Variants in ACCSL observed in about 807,000 individuals in gnomAD.
ACCSL encodes probable inactive 1-aminocyclopropane-1-carboxylate synthase-like protein 2.
ACCSL carries 55 observed loss-of-function variants against 61.7 expected under a neutral mutation model. That is an observed-to-expected ratio of 0.89 (90% CI 0.72 to 1.12). The LOEUF is 1.12. ACCSL is among the 50% of genes most tolerant of loss of function. ACCSL has a pLI of 0.00. For synonymous variants in ACCSL, 258 were observed against 264.3 expected (o/e 0.98, Z 0.23); for missense variants, 632 against 698.0 (o/e 0.91, Z 1.07).
intron 11 of ACCSL, among the ~76,000 whole-genome samples, chr11:44,056,972 T>C (rs374639214): frequency 2.1e-4 from 32 of 152,358 alleles, no homozygotes; most frequent in Admixed American, 7.8e-4. Flanking sequence ...TATGTGAATA[T>C]AGATTTTCCC....
the ACCSL span, among the ~76,000 whole-genome samples, chr11:43,991,999 C>T: frequency 6.6e-6 from 1 of 151,938 alleles, no homozygotes; most frequent in East Asian, 1.9e-4. Flanking sequence ...CCCCTCCCTC[C>T]CCATCTTTTT....
Position 44,052,673 on chromosome 11 carries a change from G to C in ACCSL, c.784G>C (p.Val262Leu), listed in dbSNP as rs765330940. The C allele has an allele frequency of 2.2e-5, 36 of 1,614,094 alleles. No homozygotes were observed. The highest frequency in any genetic ancestry group is 3.1e-5 in the Non-Finnish European group (36 of 1,179,998). The change falls in exon 6 of 14, where the codon GTC (valine) becomes CTC (leucine). Residue 262 changes from valine to leucine, a missense_variant. By Grantham distance (32) the Val-to-Leu change is conservative (BLOSUM62 1). Coordinates refer to ENST00000378832, the MANE Select transcript of ACCSL (RefSeq NM_001031854.2). ...VLCDPGEAFLVPAPFYGGFAF... is the reference protein window; with the variant it reads ...VLCDPGEAFLLPAPFYGGFAF... The stretch of plus-strand genomic sequence containing the variant: ...CTCTGTGTTTCCAGAGGCCTTCCTG[G>C]TCCCTGCTCCCTTCTATGGTGGCTT...
chr11:44,059,710 G>A (rs1319466900), intron 13 of ACCSL, 128 bp from the exon 14 acceptor site: 2 of 651,726 alleles, frequency 3.1e-6, no homozygotes, highest in Non-Finnish European at 5.3e-6. Flanking sequence ...TCCCAAAGGT[G>A]GGAGGGCTGA....
the ACCSL span, among the ~76,000 whole-genome samples, chr11:43,952,650 C>T: frequency 6.6e-6 from 1 of 152,140 alleles, no homozygotes; most frequent in Non-Finnish European, 1.5e-5. Flanking sequence ...TCACGCGGAC[C>T]CTCTTAGAGT....
At chr11:43,995,137 A>C in the ACCSL span, 23 of 152,348 alleles carry the variant, frequency 1.5e-4, no homozygotes, top group African/African-American at 5.3e-4. Flanking sequence ...CTAAGAGCCT[A>C]CTGCATGCTG....
the ACCSL span, among the ~76,000 whole-genome samples, chr11:44,027,239 C>A: frequency 6.6e-6 from 1 of 152,296 alleles, no homozygotes. Flanking sequence ...GCCTTTACTT[C>A]CTTGGGCAGA....
the ACCSL span, among the ~76,000 whole-genome samples, chr11:44,037,470 ACTC>A: frequency 6.6e-6 from 1 of 151,914 alleles, no homozygotes; most frequent in Non-Finnish European, 1.5e-5. Context: ...CCTCTTCTAT[ACTC>A]CTCTCACCCG....
intron 11 of ACCSL, 126 bp from the exon 12 acceptor site, chr11:44,058,191 C>A: frequency 8.2e-7 from 1 of 1,214,580 alleles, no homozygotes; most frequent in Non-Finnish European, 1.1e-6. Flanking sequence ...TTTTTAAAAA[C>A]AGACAAACAA....
At chr11:44,039,134 CAG>C in the ACCSL span, among the ~76,000 whole-genome samples, 2 of 152,038 alleles carry the variant, frequency 1.3e-5, no homozygotes, top group South Asian at 2.1e-4. Context: ...AAACAAATGA[CAG>C]AGGAGATGGG....
At chr11:44,030,549 A>C in the ACCSL span, among the ~76,000 whole-genome samples, 21 of 146,470 alleles carry the variant, frequency 1.4e-4, 1 homozygote, top group African/African-American at 4.8e-4. Context: ...CCTCATGGGG[A>C]AAGAATCCAG....
chr11:44,005,150 T>A, the ACCSL span, among the ~76,000 whole-genome samples: 1 of 141,138 alleles, frequency 7.1e-6, no homozygotes, highest in Non-Finnish European at 1.5e-5. Flanking sequence ...TGTAGAGGGG[T>A]GAGGGGAACT....
chr11:43,952,498 A>G, the ACCSL span, among the ~76,000 whole-genome samples: 18 of 152,308 alleles, frequency 1.2e-4, no homozygotes, highest in Admixed American at 2.6e-4. Flanking sequence ...CCCTGACCTA[A>G]CCAGTTATGT....
chr11:44,017,942 A>G, the ACCSL span, among the ~76,000 whole-genome samples: 79 of 152,150 alleles, frequency 5.2e-4, no homozygotes, highest in Non-Finnish European at 1.9e-4. Context: ...GCCATTGCCA[A>G]GCAGTAATGA....
At chr11:44,054,447 C>CTTTTTTTTTTTTTTTTTTTTT (rs67313576) in intron 8 of ACCSL, among the ~76,000 whole-genome samples, 4 of 138,420 alleles carry the variant, frequency 2.9e-5, no homozygotes, top group Non-Finnish European at 3.1e-5. Flanking sequence ...TTCTTTCTTT[C>CTTTTTTTTTTTTTTTTTTTTT]TTTTTTTTTT....
At chr11:44,000,868 G>A in the ACCSL span, among the ~76,000 whole-genome samples, 1 of 152,072 alleles carries the variant, frequency 6.6e-6, no homozygotes. Context: ...TATCCACAGG[G>A]GATCCTGGAG....
the ACCSL span, among the ~76,000 whole-genome samples, chr11:44,029,969 TTTTTATTTTA>T: frequency 0.051 from 4,849 of 94,438 alleles, 154 homozygotes; most frequent in East Asian, 0.092. Context: ...CTGGGCCTTG[TTTTTATTTTA>T]TTTTATTTTA....
chr11:43,980,454 A>G, the ACCSL span, among the ~76,000 whole-genome samples: 1 of 151,656 alleles, frequency 6.6e-6, no homozygotes, highest in Non-Finnish European at 1.5e-5. Context: ...ATCATTGCCA[A>G]TTGAGCAATG....
chr11:43,980,753 AG>A, the ACCSL span, among the ~76,000 whole-genome samples: 1 of 152,160 alleles, frequency 6.6e-6, no homozygotes, highest in African/African-American at 2.4e-5. Context: ...CTGAAAAGCT[AG>A]TAGCTTTTCA....
upstream of ACCSL, among the ~76,000 whole-genome samples, chr11:44,045,294 G>A (rs143956024): frequency 3.1e-4 from 47 of 152,160 alleles, no homozygotes; most frequent in African/African-American, 1.1e-3. Context: ...ACAAAAATTG[G>A]CTGGGTGTGG....
Sources: gnomAD v4.1 joint callset for allele counts (sites outside exome capture counted in the v4.1 genomes callset) on GRCh38, gnomAD v4.1.1 for gene constraint, MANE v1.5 for transcripts, NCBI Gene and HGNC (gene_info 2026-07-23, HGNC 2026-07-21) for gene names.